Variants in CDH1 observed in about 807,000 individuals in gnomAD.
The protein encoded by CDH1 is cadherin 1, also known as cadherin-1.
In CDH1, 35 loss-of-function variants were observed where a neutral mutation model predicts 84.5. The ratio of observed to expected loss-of-function variants is 0.41; its 90% CI spans 0.32 to 0.55. The LOEUF is 0.55. Among genes scored for constraint, CDH1 ranks in the 20% least tolerant of loss-of-function variants. The pLI, the probability that CDH1 is intolerant of heterozygous loss-of-function variation, is 0.19. For missense variants in CDH1, 994 were observed against 1,126.6 expected, an observed-to-expected ratio of 0.88 and a Z score of 1.68; for synonymous variants, 417 against 439.0, an observed-to-expected ratio of 0.95 and a Z score of 0.63.
intron 2 of CDH1, among the ~76,000 whole-genome samples, chr16:68,769,567 C>T (rs1455088713): frequency 6.6e-6 from 1 of 151,934 alleles, no homozygotes. Context: ...CTTCAGTCTC[C>T]CAAAGTGTGG....
chr16:68,790,535 G>C (rs1242172897), intron 2 of CDH1, among the ~76,000 whole-genome samples: 1 of 152,104 alleles, frequency 6.6e-6, no homozygotes, highest in Non-Finnish European at 1.5e-5. Flanking sequence ...CCTCCAATTT[G>C]CTGTGAACCC....
At chr16:68,779,486 A>G (rs941401983) in intron 2 of CDH1, among the ~76,000 whole-genome samples, 33 of 152,170 alleles carry the variant, frequency 2.2e-4, no homozygotes, top group African/African-American at 6.8e-4. Context: ...GTGAAATGGG[A>G]GTAACACGGT....
chr16:68,756,420 G>C (rs1350752040), intron 2 of CDH1, among the ~76,000 whole-genome samples: 3 of 152,176 alleles, frequency 2.0e-5, no homozygotes, highest in Non-Finnish European at 4.4e-5. Context: ...GCCTCTCCTG[G>C]TAAGGTTTTT....
At chr16:68,756,993 A>C (rs1374779106) in intron 2 of CDH1, among the ~76,000 whole-genome samples, 3 of 152,150 alleles carry the variant, frequency 2.0e-5, no homozygotes. Context: ...ACAGAGCGAG[A>C]CGCTCTCTCA....
intron 2 of CDH1, among the ~76,000 whole-genome samples, chr16:68,738,964 T>TTTTGTTTA (rs555202424): frequency 3.1e-5 from 2 of 65,362 alleles, no homozygotes; most frequent in African/African-American, 1.1e-4. Flanking sequence ...TTTTTTTTTT[T>TTTTGTTTA]AAAGACAGGG....
chr16:68,810,923 T>G (rs1204043960), intron 6 of CDH1, among the ~76,000 whole-genome samples: 1 of 151,908 alleles, frequency 6.6e-6, no homozygotes, highest in Non-Finnish European at 1.5e-5. Context: ...CCAGGCTACT[T>G]TCAAACTCCC....
intron 2 of CDH1, among the ~76,000 whole-genome samples, chr16:68,787,524 A>C (rs1279028018): frequency 6.6e-6 from 1 of 151,634 alleles, no homozygotes; most frequent in African/African-American, 2.4e-5. Flanking sequence ...TTTTTTTTTA[A>C]ATAGAGATGG....
At chr16:68,795,959 C>A (rs1273550122) in intron 2 of CDH1, among the ~76,000 whole-genome samples, 1 of 151,604 alleles carries the variant, frequency 6.6e-6, no homozygotes, top group African/African-American at 2.4e-5. Flanking sequence ...GTCAGGAGTT[C>A]GAGGTTATCC....
At chr16:68,821,236 G>C (rs1228687796) in intron 11 of CDH1, among the ~76,000 whole-genome samples, 1 of 152,096 alleles carries the variant, frequency 6.6e-6, no homozygotes, top group Non-Finnish European at 1.5e-5. Context: ...ACTTTCAGAG[G>C]CTAAGATGCG....
intron 2 of CDH1, among the ~76,000 whole-genome samples, chr16:68,780,520 T>C (rs1959846223): frequency 6.6e-6 from 1 of 152,158 alleles, no homozygotes; most frequent in Admixed American, 6.5e-5. Context: ...GCCAGGCTGA[T>C]TTCAAGTGAT....
intron 11 of CDH1, 51 bp downstream of exon 11, chr16:68,819,476 A>G: frequency 6.3e-7 from 1 of 1,577,098 alleles, no homozygotes; most frequent in Non-Finnish European, 8.7e-7. Context: ...TAGCTAGTTC[A>G]GTTCCTTGCC....
In CDH1 at chr16:68,822,138, G is replaced by T. The variant is rs33935154; in HGVS notation, c.1849G>T (p.Ala617Ser). ...PKPQVINIIDADLPPNTSPFT... is the reference protein window; with the variant it reads ...PKPQVINIIDSDLPPNTSPFT... ...GCCTCAGGTCATAAACATCATTGAT[G>T]CAGACCTTCCTCCCAATACATCTCC... The change falls in exon 12 of 16, where the codon GCA (alanine) becomes TCA (serine). Residue 617 changes from alanine (A) to serine (S), a missense_variant. By Grantham distance (99) the Ala-to-Ser change is moderately conservative. Transcript: ENST00000261769. 1.2e-6 allele frequency: 2 copies of T among 1,614,088 alleles called. No homozygotes were observed. The highest frequency in any genetic ancestry group is 1.3e-5 in the African/African-American group (1 of 75,000).
chr16:68,808,999 G>A, intron 5 of CDH1, 151 bp downstream of exon 5: 1 of 725,712 alleles, frequency 1.4e-6, no homozygotes. Context: ...GAAGTGATGG[G>A]AGAACGTGGG....
intron 11 of CDH1, among the ~76,000 whole-genome samples, chr16:68,821,057 T>C (rs1961129346): frequency 6.6e-6 from 1 of 152,206 alleles, no homozygotes; most frequent in African/African-American, 2.4e-5. Context: ...AGGTTTGAGA[T>C]GGATTCTTCT....
chr16:68,745,550 A>AAAAATATATATATATATG (rs71253605), intron 2 of CDH1, among the ~76,000 whole-genome samples: 16 of 50,504 alleles, frequency 3.2e-4, no homozygotes, highest in East Asian at 7.7e-4. Flanking sequence ...AAAAAAAAAA[A>AAAAATATATATATATATG]TATATATATA....
intron 2 of CDH1, among the ~76,000 whole-genome samples, chr16:68,772,984 T>C (rs1362755960): frequency 6.6e-6 from 1 of 152,086 alleles, no homozygotes; most frequent in Non-Finnish European, 1.5e-5. Context: ...GTTTAGGAGC[T>C]CAGCACTCAA....
intron 3 of CDH1, among the ~76,000 whole-genome samples, chr16:68,803,086 G>A (rs1960558946): frequency 6.6e-6 from 1 of 152,100 alleles, no homozygotes; most frequent in African/African-American, 2.4e-5. Flanking sequence ...TCTCTCTGGG[G>A]GATATTCTGG....
rs2152134958 is a variant in CDH1 at position 68,815,655 on chromosome 16, G to A, written c.1461G>A (p.Val487=). The part of the protein sequence containing the change: ...VLDVNEAPIF[V]PPEKRVEVSE... ...ATGTGAATGAAGCCCCCATCTTTGT[G>A]CCTCCTGAAAAGAGAGTGGAAGTGT... The change falls in exon 10 of 16, where the codon GTG becomes GTA. Residue 487 remains valine, a synonymous_variant. Transcript: ENST00000261769. 1 of 1,614,198 alleles carries A rather than the reference G, an allele frequency of 6.2e-7. No individual in the cohort carries two copies. The highest frequency in any genetic ancestry group is 8.5e-7 in the Non-Finnish European group (1 of 1,180,048).
intron 2 of CDH1, among the ~76,000 whole-genome samples, chr16:68,776,684 A>C (rs984642160): frequency 1.3e-5 from 2 of 152,180 alleles, no homozygotes; most frequent in Non-Finnish European, 2.9e-5. Context: ...GTTTCATTTT[A>C]TATTGCAGCT....
Sources: allele counts gnomAD v4.1 joint callset (sites outside exome capture counted in the v4.1 genomes callset), GRCh38; gene constraint gnomAD v4.1.1; transcripts MANE v1.5; gene names NCBI Gene and HGNC (gene_info 2026-07-23, HGNC 2026-07-21).